The following KCNH5 variants were observed in gnomAD, a reference collection of about 807,000 sequenced individuals.
KCNH5 encodes voltage-gated delayed rectifier potassium channel KCNH5.
In KCNH5, 46 loss-of-function variants were observed where a neutral mutation model predicts 96.1. The ratio of observed to expected loss-of-function variants is 0.48; its 90% CI spans 0.38 to 0.61. KCNH5 has a LOEUF of 0.61. Among genes scored for constraint, KCNH5 ranks in the 20% least tolerant of loss-of-function variants. The pLI is 0.00. For synonymous variants in KCNH5, 439 were observed against 449.8 expected (o/e 0.98, Z 0.30); for missense variants, 907 against 1,225.8 (o/e 0.74, Z 3.88).
At chr14:62,786,961 A>G (rs1180609115) in intron 9 of KCNH5, among the ~76,000 whole-genome samples, 1 of 152,110 alleles carries the variant, frequency 6.6e-6, no homozygotes, top group Non-Finnish European at 1.5e-5. Flanking sequence ...GTTTTCTGAG[A>G]CACAATAATA....
intron 2 of KCNH5, among the ~76,000 whole-genome samples, chr14:63,015,162 A>G (rs1566541724): frequency 6.6e-6 from 1 of 152,114 alleles, no homozygotes; most frequent in African/African-American, 2.4e-5. Context: ...AAGGAAGAGA[A>G]TGTTTGAGCA....
intron 7 of KCNH5, among the ~76,000 whole-genome samples, chr14:62,908,749 A>ATGTGCCTT (rs1396534138): frequency 3.9e-5 from 5 of 126,964 alleles, no homozygotes; most frequent in South Asian, 2.6e-4. Flanking sequence ...ACTTTGCCCC[A>ATGTGCCTT]TGTGCCTTTG....
intron 10 of KCNH5, among the ~76,000 whole-genome samples, chr14:62,722,495 G>A (rs12100978): frequency 0.32 from 49,364 of 151,934 alleles, 8,585 homozygotes; most frequent in Non-Finnish European, 0.39. Context: ...TTGGACTTAA[G>A]GACTAGGCTA....
chr14:62,986,236 A>G (rs1239395065), intron 5 of KCNH5, among the ~76,000 whole-genome samples: 1 of 152,122 alleles, frequency 6.6e-6, no homozygotes, highest in South Asian at 2.1e-4. Context: ...AAAACTATGG[A>G]CCTCTTCTTA....
At chr14:62,718,305 A>T (rs1884729684) in intron 10 of KCNH5, among the ~76,000 whole-genome samples, 1 of 152,126 alleles carries the variant, frequency 6.6e-6, no homozygotes, top group South Asian at 2.1e-4. Flanking sequence ...TAATAATAAT[A>T]ATATATCTGA....
chr14:63,012,205 C>T (rs1473879006), intron 2 of KCNH5, among the ~76,000 whole-genome samples: 2 of 152,150 alleles, frequency 1.3e-5, no homozygotes, highest in African/African-American at 2.4e-5. Flanking sequence ...AAGTCTATAA[C>T]CTCTTTTAAA....
intron 10 of KCNH5, among the ~76,000 whole-genome samples, chr14:62,728,041 C>CA (rs1199089864): frequency 6.7e-6 from 1 of 150,126 alleles, no homozygotes; most frequent in Admixed American, 6.7e-5. Flanking sequence ...TATCAATAGT[C>CA]AGTTATATGT....
chr14:62,838,321 C>T (rs1458079679), intron 8 of KCNH5, among the ~76,000 whole-genome samples: 3 of 152,146 alleles, frequency 2.0e-5, no homozygotes, highest in Non-Finnish European at 4.4e-5. Context: ...ACCTCTGATT[C>T]ATACTCACAC....
chr14:62,957,532 A>G (rs544338238), intron 6 of KCNH5, among the ~76,000 whole-genome samples: 3 of 152,330 alleles, frequency 2.0e-5, no homozygotes, highest in African/African-American at 7.2e-5. Context: ...CCCCTCTGCA[A>G]TGTTACTTAT....
chr14:62,785,037 A>C (rs1221980026), intron 9 of KCNH5, among the ~76,000 whole-genome samples: 1 of 152,154 alleles, frequency 6.6e-6, no homozygotes, highest in East Asian at 1.9e-4. Flanking sequence ...AAGCAATACT[A>C]ATTGTTTCAT....
intron 8 of KCNH5, among the ~76,000 whole-genome samples, chr14:62,848,844 C>G (rs1887750029): frequency 6.6e-6 from 1 of 152,020 alleles, no homozygotes; most frequent in Non-Finnish European, 1.5e-5. Context: ...AAATCAGTAC[C>G]TAAAAAGAAT....
chr14:62,910,941 A>ACACACACACACACC lies in KCNH5; in HGVS notation c.1369+39191_1369+39192insGGTGTGTGTGTGTG, dbSNP rs61033705. Among the ~76,000 whole-genome samples, 1,178 of 140,792 alleles carry ACACACACACACACC rather than the reference A, an allele frequency of 8.4e-3. 3 individuals carry two copies. Among genetic ancestry groups the ACACACACACACACC allele is most frequent in the Middle Eastern group, 0.022 (6 of 274 alleles). 92.4% of individuals were successfully genotyped at this position (140,792 alleles called of 152,430 possible). A position where few individuals can be genotyped will look rare whatever the true frequency, so the allele number is the denominator to read the frequency against. On this transcript the variant is annotated intron_variant, in intron 7 of 10. Transcript: ENST00000322893. ...CACACACACACACACACACACACAC[A>ACACACACACACACC]CCCCTCTGTTGTTCTGTCATCCTAT...
chr14:63,032,117 AC>A (rs937505783), intron 1 of KCNH5, among the ~76,000 whole-genome samples: 9 of 149,812 alleles, frequency 6.0e-5, no homozygotes, highest in South Asian at 2.1e-4. Flanking sequence ...AAAAAAAAAA[AC>A]TTTCACTAAT....
At chr14:62,833,424 CT>C (rs1887399810) in intron 8 of KCNH5, among the ~76,000 whole-genome samples, 5 of 151,974 alleles carry the variant, frequency 3.3e-5, no homozygotes, top group Admixed American at 3.3e-4. Context: ...ACTACTGAAG[CT>C]TTTGTCAACG....
intron 10 of KCNH5, among the ~76,000 whole-genome samples, chr14:62,731,008 T>C (rs1313104914): frequency 6.6e-6 from 1 of 152,124 alleles, no homozygotes; most frequent in African/African-American, 2.4e-5. Context: ...CTTTAAAAAA[T>C]ACTAATCACA....
chr14:62,909,486 G>C (rs9972116), intron 7 of KCNH5, among the ~76,000 whole-genome samples: 82,295 of 151,990 alleles, frequency 0.54, 22,990 homozygotes, highest in South Asian at 0.68. Context: ...TTTATTAAAA[G>C]AAACATCATG....
intron 7 of KCNH5, among the ~76,000 whole-genome samples, chr14:62,920,880 T>C (rs1409051200): frequency 1.3e-5 from 2 of 152,176 alleles, no homozygotes; most frequent in Non-Finnish European, 2.9e-5. Context: ...CATTCATCTA[T>C]AAACTTATGA....
chr14:62,898,564 AT>A (rs1479025844), intron 7 of KCNH5, among the ~76,000 whole-genome samples: 66 of 152,280 alleles, frequency 4.3e-4, no homozygotes, highest in African/African-American at 1.5e-3. Context: ...TAAAACAAAA[AT>A]TGTCAAAGTG....
At chr14:62,983,177 T>C (rs1290697333) in intron 5 of KCNH5, among the ~76,000 whole-genome samples, 1 of 152,028 alleles carries the variant, frequency 6.6e-6, no homozygotes, top group East Asian at 1.9e-4. Context: ...CTTTGTGCCT[T>C]CCTAGACTCC....
Sources: gnomAD v4.1 joint callset for allele counts (sites outside exome capture counted in the v4.1 genomes callset) on GRCh38, gnomAD v4.1.1 for gene constraint, MANE v1.5 for transcripts, NCBI Gene and HGNC (gene_info 2026-07-23, HGNC 2026-07-21) for gene names.